SUSD4: variants seen among roughly 807,000 people sequenced by gnomAD.
SUSD4 encodes sushi domain containing 4.
A neutral mutation model predicts 50.5 loss-of-function variants in SUSD4; 41 were observed. The observed-to-expected ratio is 0.81, with a 90% CI of 0.63 to 1.05. The LOEUF is 1.05. Among genes scored for constraint, SUSD4 ranks in the 50% least tolerant of loss-of-function variants. SUSD4 has a pLI of 0.00. For synonymous variants in SUSD4, 257 were observed against 257.3 expected (o/e 1.00, Z 0.01); for missense variants, 580 against 634.7 (o/e 0.91, Z 0.93).
chr1:223,362,763 T>C (rs1669057196), intron 2 of SUSD4, among the ~76,000 whole-genome samples: 1 of 152,086 alleles, frequency 6.6e-6, no homozygotes, highest in Admixed American at 6.5e-5. Flanking sequence ...AAGGGAAAGT[T>C]AACTTTCAAA....
intron 2 of SUSD4, among the ~76,000 whole-genome samples, chr1:223,340,384 C>G (rs920049056): frequency 1.6e-4 from 25 of 152,304 alleles, no homozygotes; most frequent in Admixed American, 1.5e-3. Flanking sequence ...GATGCCCTGA[C>G]CCAGTGAGAC....
At chr1:223,243,061 GC>G (rs1660690913) in intron 5 of SUSD4, among the ~76,000 whole-genome samples, 1 of 152,044 alleles carries the variant, frequency 6.6e-6, no homozygotes, top group Admixed American at 6.5e-5. Context: ...TGTCCCCCTG[GC>G]CAGATGCTCC....
At chr1:223,292,724 G>T in intron 2 of SUSD4, 73 bp from the exon 3 acceptor site, 1 of 1,502,574 alleles carries the variant, frequency 6.7e-7, no homozygotes, top group Non-Finnish European at 9.1e-7. Flanking sequence ...CTACATAAAT[G>T]GCAGACCCTG....
chr1:223,234,847 T>C, intron 5 of SUSD4: 1 of 1,409,710 alleles, frequency 7.1e-7, no homozygotes, highest in East Asian at 2.6e-5. Flanking sequence ...TGCCAGTTGG[T>C]TCTTCCCTTG....
chr1:223,342,789 G>A (rs192911767), intron 2 of SUSD4, among the ~76,000 whole-genome samples: 1 of 152,078 alleles, frequency 6.6e-6, no homozygotes, highest in Non-Finnish European at 1.5e-5. Context: ...AAAAATACAG[G>A]TGACTATGTA....
intron 5 of SUSD4, among the ~76,000 whole-genome samples, chr1:223,243,104 A>G (rs1259061803): frequency 1.3e-5 from 2 of 152,096 alleles, no homozygotes; most frequent in African/African-American, 4.8e-5. Context: ...CAGTGGCCAC[A>G]GGGAGCCCTG....
chr1:223,274,461 T>C (rs767700425), intron 3 of SUSD4, among the ~76,000 whole-genome samples: 58 of 152,222 alleles, frequency 3.8e-4, no homozygotes, highest in Non-Finnish European at 7.3e-4. Flanking sequence ...GAAGAAGAAC[T>C]AGAACCAGAC....
intron 2 of SUSD4, among the ~76,000 whole-genome samples, chr1:223,345,636 C>T (rs541699505): frequency 2.6e-5 from 4 of 152,306 alleles, no homozygotes; most frequent in East Asian, 3.9e-4. Flanking sequence ...TTTATAACGC[C>T]GACGTCCGGC....
chr1:223,256,596 G>A (rs1571899997), intron 5 of SUSD4, among the ~76,000 whole-genome samples: 1 of 152,182 alleles, frequency 6.6e-6, no homozygotes, highest in East Asian at 1.9e-4. Context: ...AGCTCTCCTA[G>A]CACCTCTCCC....
chr1:223,227,293 C>T lies in SUSD4; in HGVS notation c.1061+301G>A, dbSNP rs1160950698. ...CAGGGGGACCACAGTGGGAATGGTG[C>T]CTCTGGGTGGAGCAGTCCACAGCCT... On this transcript the variant is annotated intron_variant, in intron 7 of 8. Coordinates refer to ENST00000366878, the MANE Select transcript of SUSD4 (RefSeq NM_017982.4). This position sits in a 1 kb window ranked among gnomAD's most constrained non-coding sequence, Gnocchi z 4.5. Among the ~76,000 whole-genome samples the T allele has an allele frequency of 6.6e-6, 1 of 152,140 alleles. No homozygotes were observed. Among genetic ancestry groups the T allele is most frequent in the African/African-American group, 2.4e-5 (1 of 41,414 alleles).
chr1:223,317,665 T>C (rs1259813171), intron 2 of SUSD4, among the ~76,000 whole-genome samples: 1 of 152,062 alleles, frequency 6.6e-6, no homozygotes. Flanking sequence ...GGGTAAATGG[T>C]CTTTGCCAAC....
chr1:223,244,358 G>T (rs926362040), intron 5 of SUSD4, among the ~76,000 whole-genome samples: 15 of 152,208 alleles, frequency 9.9e-5, no homozygotes, highest in Non-Finnish European at 2.1e-4. Context: ...ACCCTATGTG[G>T]GAGAAACTGA....
At chr1:223,267,111 G>T (rs1286121346) in intron 4 of SUSD4, among the ~76,000 whole-genome samples, 2 of 152,200 alleles carry the variant, frequency 1.3e-5, no homozygotes, top group Admixed American at 6.5e-5. Context: ...GTCTTGACTG[G>T]GATTTGAGGA....
chr1:223,230,291 T>A lies in SUSD4; in HGVS notation c.725-903A>T, dbSNP rs547656815. 3.3e-5 allele frequency among the ~76,000 whole-genome samples: 5 copies of A among 152,092 alleles called. No individual in the cohort carries two copies. In the East Asian group the frequency reaches 5.8e-4, roughly 18 times the overall value. On this transcript the variant is annotated intron_variant, in intron 5 of 8. Transcript: ENST00000366878. ...TGGATGAGGACTCAGAAATAAACAG[T>A]GCTGCTGCTTAAACATTCTTCAAGA...
intron 5 of SUSD4, among the ~76,000 whole-genome samples, chr1:223,250,291 A>G (rs1661212829): frequency 6.6e-6 from 1 of 152,238 alleles, no homozygotes; most frequent in Non-Finnish European, 1.5e-5. Context: ...CAATAAAAAG[A>G]GACAGTGACT....
intron 2 of SUSD4, among the ~76,000 whole-genome samples, chr1:223,339,218 G>T (rs921667494): frequency 6.6e-6 from 1 of 152,190 alleles, no homozygotes; most frequent in African/African-American, 2.4e-5. Flanking sequence ...TGGTGTTTGC[G>T]TGTCTCTGAA....
In SUSD4 at chr1:223,283,224, G is replaced by C. The variant is rs570641319; in HGVS notation, c.361+9215C>G. On this transcript the variant is annotated intron_variant, in intron 3 of 8. Transcript: ENST00000366878. ...AGCAATGGTAACAACAGTCAAAATT[G>C]ACAAATGGGATCTAATTAAACTAAA... is the stretch of plus-strand genomic sequence containing the variant. 2.6e-5 allele frequency among the ~76,000 whole-genome samples: 4 copies of C among 152,272 alleles called. No individual in the cohort carries two copies. In the East Asian group the frequency reaches 7.7e-4, roughly 29 times the overall value.
At chr1:223,329,686 T>C (rs1276537145) in intron 2 of SUSD4, among the ~76,000 whole-genome samples, 2 of 152,140 alleles carry the variant, frequency 1.3e-5, no homozygotes, top group Non-Finnish European at 2.9e-5. Context: ...GAACAATGGA[T>C]GGATGAACAT....
At chr1:223,268,136 TTCCATTAAA>T (rs1395720930) in intron 4 of SUSD4, among the ~76,000 whole-genome samples, 1 of 150,584 alleles carries the variant, frequency 6.6e-6, no homozygotes, top group Non-Finnish European at 1.5e-5. Context: ...GCTCTGTTAT[TTCCATTAAA>T]TATATAATAG....
Sources: allele counts gnomAD v4.1 joint callset (sites outside exome capture counted in the v4.1 genomes callset), GRCh38; gene constraint gnomAD v4.1.1; non-coding constraint Gnocchi (gnomAD v3.1); transcripts MANE v1.5; gene names NCBI Gene and HGNC (gene_info 2026-07-23, HGNC 2026-07-21).